Variants in SUSD6 observed in about 807,000 individuals in gnomAD.
The protein encoded by SUSD6 is sushi domain-containing protein 6.
In SUSD6, 16 loss-of-function variants were observed where a neutral mutation model predicts 28.4. The observed-to-expected ratio is 0.56, with a 90% confidence interval of 0.38 to 0.86. The LOEUF (loss-of-function observed/expected upper bound fraction) is 0.86, where lower values mean the gene tolerates loss of function less well. Ranked by LOEUF, SUSD6 falls within the 40% of genes least tolerant of loss-of-function variation. The pLI is 0.00. For missense variants in SUSD6, 341 were observed against 384.2 expected (o/e 0.89, Z 0.94); for synonymous variants, 147 against 159.6 (o/e 0.92, Z 0.59).
At chr14:69,625,143 G>T (rs1420021518) in intron 1 of SUSD6, among the ~76,000 whole-genome samples, 2 of 152,176 alleles carry the variant, frequency 1.3e-5, no homozygotes, top group South Asian at 4.1e-4. Context: ...GTGGCTTCAG[G>T]TAGGTCTCTT....
chr14:69,678,038 C>T (rs1013164283), intron 2 of SUSD6, among the ~76,000 whole-genome samples: 1 of 152,138 alleles, frequency 6.6e-6, no homozygotes, highest in Non-Finnish European at 1.5e-5. Flanking sequence ...ATCATTCCAA[C>T]CATTTCTGTT....
chr14:69,672,296 G>C (rs1284586761), intron 2 of SUSD6, among the ~76,000 whole-genome samples: 1 of 152,206 alleles, frequency 6.6e-6, no homozygotes, highest in African/African-American at 2.4e-5. Flanking sequence ...TGAGAAGAGA[G>C]AGGAGGGATC....
At chr14:69,622,916 C>G (rs570451500) in intron 1 of SUSD6, among the ~76,000 whole-genome samples, 2 of 152,122 alleles carry the variant, frequency 1.3e-5, no homozygotes, top group Non-Finnish European at 2.9e-5. Context: ...TGTAAGATAT[C>G]GCATACTGTC....
At chr14:69,692,002 G>A (rs1046190501) in intron 2 of SUSD6, among the ~76,000 whole-genome samples, 5 of 147,548 alleles carry the variant, frequency 3.4e-5, no homozygotes, top group African/African-American at 1.3e-4. Context: ...TCATGCCACT[G>A]CACTCCAGCT....
At chr14:69,643,054 T>C (rs1197680105) in intron 1 of SUSD6, among the ~76,000 whole-genome samples, 1 of 152,200 alleles carries the variant, frequency 6.6e-6, no homozygotes, top group East Asian at 1.9e-4. Context: ...GTCTGGAAAC[T>C]CTCAAGGGAG....
chr14:69,688,521 A>G (rs144927947), intron 2 of SUSD6, among the ~76,000 whole-genome samples: 36 of 152,350 alleles, frequency 2.4e-4, no homozygotes, highest in African/African-American at 7.7e-4. Context: ...GGGATAGGCC[A>G]TCTGCTGCCA....
chr14:69,641,168 T>G (rs550961506), intron 1 of SUSD6, among the ~76,000 whole-genome samples: 13 of 152,372 alleles, frequency 8.5e-5, no homozygotes, highest in African/African-American at 2.9e-4. Context: ...CCCTGCCCCA[T>G]GGCTACTTTT....
intron 1 of SUSD6, among the ~76,000 whole-genome samples, chr14:69,621,769 G>T (rs1885044799): frequency 6.6e-6 from 1 of 152,190 alleles, no homozygotes; most frequent in African/African-American, 2.4e-5. Flanking sequence ...TGGGGGGGCA[G>T]TTCTACTGCT....
chr14:69,681,086 T>G (rs373492946), intron 2 of SUSD6, among the ~76,000 whole-genome samples: 8 of 152,312 alleles, frequency 5.3e-5, no homozygotes, highest in African/African-American at 1.9e-4. Context: ...GATGTTGATA[T>G]CCTTATAAAT....
At chr14:69,664,154 TA>T (rs1885704340) in intron 2 of SUSD6, among the ~76,000 whole-genome samples, 1 of 152,142 alleles carries the variant, frequency 6.6e-6, no homozygotes, top group Non-Finnish European at 1.5e-5. Context: ...AATGTTTTTG[TA>T]TTTTTTGGTG....
chr14:69,705,344 G>A (rs1415375507), intron 4 of SUSD6, among the ~76,000 whole-genome samples: 7 of 150,752 alleles, frequency 4.6e-5, no homozygotes, highest in Admixed American at 2.0e-4. Context: ...AAAAAAAAAC[G>A]GAAATCTGTT....
At chr14:69,623,698 G>A (rs1252150573) in intron 1 of SUSD6, among the ~76,000 whole-genome samples, 1 of 152,204 alleles carries the variant, frequency 6.6e-6, no homozygotes, top group African/African-American at 2.4e-5. Flanking sequence ...ATAAGATGCT[G>A]AGATGGAAGA....
intron 1 of SUSD6, among the ~76,000 whole-genome samples, chr14:69,632,707 G>A (rs375537866): frequency 4.6e-5 from 7 of 151,036 alleles, no homozygotes; most frequent in Non-Finnish European, 7.4e-5. Flanking sequence ...TGTAACCCCC[G>A]TTCCCAGAAA....
chr14:69,675,695 G>T (rs1201331387), intron 2 of SUSD6, among the ~76,000 whole-genome samples: 2 of 152,174 alleles, frequency 1.3e-5, no homozygotes. Flanking sequence ...TCATATTGTT[G>T]TCCTCACGGT....
intron 2 of SUSD6, among the ~76,000 whole-genome samples, chr14:69,682,834 T>G (rs1230722588): frequency 6.6e-6 from 1 of 152,152 alleles, no homozygotes; most frequent in Non-Finnish European, 1.5e-5. Context: ...GCCTCCCTTT[T>G]TTCCCCTGCA....
At chr14:69,664,164 T>C (rs1315611965) in intron 2 of SUSD6, among the ~76,000 whole-genome samples, 1 of 152,004 alleles carries the variant, frequency 6.6e-6, no homozygotes, top group Admixed American at 6.5e-5. Context: ...TATTTTTTGG[T>C]GGAGATGGGG....
intron 1 of SUSD6, among the ~76,000 whole-genome samples, chr14:69,623,178 C>G (rs543614846): frequency 6.6e-6 from 1 of 152,166 alleles, no homozygotes; most frequent in Non-Finnish European, 1.5e-5. Context: ...TCCTCCATCC[C>G]CATCTCGTTA....
intron 2 of SUSD6, among the ~76,000 whole-genome samples, chr14:69,696,047 T>C (rs1291474994): frequency 1.3e-5 from 2 of 152,256 alleles, no homozygotes; most frequent in African/African-American, 4.8e-5. Context: ...ACGAAGTAGC[T>C]GGATGTCTCC....
chr14:69,677,011 A>G (rs1418856583), intron 2 of SUSD6, among the ~76,000 whole-genome samples: 1 of 152,214 alleles, frequency 6.6e-6, no homozygotes, highest in East Asian at 1.9e-4. Flanking sequence ...AGAAAGCATT[A>G]GGAACCAGGG....
Sources: allele counts gnomAD v4.1 joint callset (sites outside exome capture counted in the v4.1 genomes callset), GRCh38; gene constraint gnomAD v4.1.1; transcripts MANE v1.5; gene names NCBI Gene and HGNC (gene_info 2026-07-23, HGNC 2026-07-21).